The following IQGAP2 variants were observed in gnomAD, a reference collection of about 807,000 sequenced individuals.
The protein encoded by IQGAP2 is IQ motif containing GTPase activating protein 2.
A neutral mutation model predicts 201.3 loss-of-function variants in IQGAP2; 173 were observed. That is an observed-to-expected ratio of 0.86 (90% CI 0.76 to 0.98). IQGAP2 has a LOEUF of 0.98. Among genes scored for constraint, IQGAP2 ranks in the 50% least tolerant of loss-of-function variants. IQGAP2 has a pLI of 0.00. For synonymous variants in IQGAP2, 675 were observed against 673.9 expected (o/e 1.00, Z -0.03); for missense variants, 1,687 against 1,864.8 (o/e 0.90, Z 1.76).
intron 2 of IQGAP2, among the ~76,000 whole-genome samples, chr5:76,490,093 G>A (rs907976644): frequency 2.0e-4 from 30 of 152,210 alleles, no homozygotes; most frequent in African/African-American, 7.0e-4. Flanking sequence ...TCTAAGCAGT[G>A]CTTTTCATTG....
chr5:76,633,991 T>C (rs948594378), intron 15 of IQGAP2, among the ~76,000 whole-genome samples: 12 of 152,128 alleles, frequency 7.9e-5, no homozygotes, highest in African/African-American at 2.9e-4. Context: ...ATGAGACTGC[T>C]ATGAATATTC....
At chr5:76,406,656 A>C (rs1016075582) in intron 1 of IQGAP2, among the ~76,000 whole-genome samples, 1 of 152,350 alleles carries the variant, frequency 6.6e-6, no homozygotes, top group African/African-American at 2.4e-5. Context: ...TGCTGCCATG[A>C]TCTGTCGTAA....
intron 2 of IQGAP2, among the ~76,000 whole-genome samples, chr5:76,476,672 A>G (rs1755453301): frequency 1.3e-5 from 2 of 152,158 alleles, no homozygotes; most frequent in Admixed American, 6.5e-5. Flanking sequence ...GACTTTTACT[A>G]GAGTTTACTA....
At chr5:76,661,188 A>G (rs1468456846) in intron 21 of IQGAP2, among the ~76,000 whole-genome samples, 3 of 151,748 alleles carry the variant, frequency 2.0e-5, no homozygotes, top group Non-Finnish European at 4.4e-5. Flanking sequence ...CTTATAGAAC[A>G]ATGCTAGCTC....
At chr5:76,520,120 C>A (rs922711778) in intron 2 of IQGAP2, among the ~76,000 whole-genome samples, 17 of 151,846 alleles carry the variant, frequency 1.1e-4, no homozygotes, top group African/African-American at 4.1e-4. Flanking sequence ...TAATCCAAAG[C>A]CACAGAGATT....
chr5:76,509,917 A>T (rs1370755008), intron 2 of IQGAP2, among the ~76,000 whole-genome samples: 1 of 152,044 alleles, frequency 6.6e-6, no homozygotes, highest in Non-Finnish European at 1.5e-5. Flanking sequence ...ATATCTTAAA[A>T]TTATGGGAAA....
chr5:76,598,525 G>A (rs1313154652), intron 10 of IQGAP2, among the ~76,000 whole-genome samples: 1 of 152,166 alleles, frequency 6.6e-6, no homozygotes, highest in Non-Finnish European at 1.5e-5. Flanking sequence ...GTACACTTAT[G>A]ATTTAAAATT....
At chr5:76,533,326 C>T (rs904348467) in intron 2 of IQGAP2, among the ~76,000 whole-genome samples, 1 of 152,058 alleles carries the variant, frequency 6.6e-6, no homozygotes, top group African/African-American at 2.4e-5. Context: ...AATTACTCAC[C>T]GACGGGGTCT....
intron 2 of IQGAP2, among the ~76,000 whole-genome samples, chr5:76,538,521 G>A (rs62361987): frequency 0.014 from 2,121 of 152,282 alleles, 22 homozygotes; most frequent in Non-Finnish European, 0.019. Flanking sequence ...TGTTGGGACT[G>A]TTTTTCAACT....
intron 2 of IQGAP2, among the ~76,000 whole-genome samples, chr5:76,471,375 A>AACAAC (rs747989371): frequency 4.1e-4 from 52 of 125,378 alleles, no homozygotes; most frequent in African/African-American, 1.2e-3. Context: ...AAAAAAAAAA[A>AACAAC]AAAAAAAAAA....
chr5:76,519,734 G>A (rs1270058624), intron 2 of IQGAP2, among the ~76,000 whole-genome samples: 2 of 152,160 alleles, frequency 1.3e-5, no homozygotes. Context: ...TAACAGATAT[G>A]TGGTAGTATC....
chr5:76,462,140 G>A (rs1198373979), intron 2 of IQGAP2, among the ~76,000 whole-genome samples: 2 of 152,218 alleles, frequency 1.3e-5, no homozygotes, highest in Non-Finnish European at 2.9e-5. Context: ...GGGGCCAACT[G>A]CAGATTGTTT....
chr5:76,563,312 A>G (rs1744511138), intron 3 of IQGAP2, among the ~76,000 whole-genome samples: 1 of 152,200 alleles, frequency 6.6e-6, no homozygotes, highest in Non-Finnish European at 1.5e-5. Flanking sequence ...GGGAGAAGAA[A>G]ACAAAATTAA....
chr5:76,667,023 G>T (rs145907419), intron 22 of IQGAP2, among the ~76,000 whole-genome samples: 1 of 152,254 alleles, frequency 6.6e-6, no homozygotes, highest in East Asian at 1.9e-4. Flanking sequence ...CACTAGGATT[G>T]CAGGCATGAG....
rs1191281979 is a variant in IQGAP2, at chr5:76,438,044, T to TTG, written c.47-23525_47-23524insGT. Among the ~76,000 whole-genome samples, 333 of 145,148 alleles carry TTG rather than the reference T, an allele frequency of 2.3e-3. 2 individuals carry two copies. The highest frequency in any genetic ancestry group is 3.5e-3 in the Middle Eastern group (1 of 286). On this transcript the variant is annotated intron_variant, in intron 1 of 35. Transcript: ENST00000274364. ...TTTTTTTTTTTTGTTTGTTTTTTTT[T>TTG]TTGTTTTTTTATTATGTCCTTTTCT...
intron 32 of IQGAP2, 51 bp from the exon 33 acceptor site, chr5:76,697,936 T>C: frequency 6.9e-7 from 1 of 1,449,668 alleles, no homozygotes; most frequent in Non-Finnish European, 9.5e-7. Flanking sequence ...ACTGGCAATA[T>C]CATAAAGCAA....
At chr5:76,640,329 T>C (rs1751468082) in intron 16 of IQGAP2, among the ~76,000 whole-genome samples, 1 of 152,214 alleles carries the variant, frequency 6.6e-6, no homozygotes, top group African/African-American at 2.4e-5. Flanking sequence ...TAAACCCTGT[T>C]CATACCCCAC....
intron 1 of IQGAP2, among the ~76,000 whole-genome samples, chr5:76,408,619 G>A (rs1455683507): frequency 6.6e-6 from 1 of 152,022 alleles, no homozygotes; most frequent in African/African-American, 2.4e-5. Flanking sequence ...ATTTATGCTG[G>A]ATGTGGTGGT....
chr5:76,595,243 CTTTTTT>C (rs1180358517), intron 9 of IQGAP2, among the ~76,000 whole-genome samples: 2 of 35,310 alleles, frequency 5.7e-5, no homozygotes, highest in African/African-American at 1.2e-4. Flanking sequence ...CATTTCTTTG[CTTTTTT>C]TTTTTTTTTT....
Sources: allele counts gnomAD v4.1 joint callset (sites outside exome capture counted in the v4.1 genomes callset), GRCh38; gene constraint gnomAD v4.1.1; transcripts MANE v1.5; gene names NCBI Gene and HGNC (gene_info 2026-07-23, HGNC 2026-07-21).